The following SYNE1 variants were observed in gnomAD, a reference collection of about 807,000 sequenced individuals.
SYNE1 encodes the protein nesprin-1.
A neutral mutation model predicts 1,111.0 loss-of-function variants in SYNE1; 616 were observed. That is an observed-to-expected ratio of 0.55 (90% CI 0.52 to 0.59). The LOEUF is 0.59. Among genes scored for constraint, SYNE1 ranks in the 20% least tolerant of loss-of-function variants. The pLI, the probability that SYNE1 is intolerant of heterozygous loss-of-function variation, is 0.00. For missense variants in SYNE1, 10,006 were observed against 10,417.0 expected, an observed-to-expected ratio of 0.96 and a Z score of 1.72; for synonymous variants, 3,855 against 3,825.8, an observed-to-expected ratio of 1.01 and a Z score of -0.28.
At chr6:152,464,766 T>C (rs1172051022) in intron 18 of SYNE1, 1 of 215,216 alleles carries the variant, frequency 4.6e-6, no homozygotes, top group Admixed American at 5.3e-5. Context: ...ACATACACAC[T>C]TATAACTGGC....
chr6:152,579,464 A>C, intron 3 of SYNE1, among the ~76,000 whole-genome samples: 1 of 152,256 alleles, frequency 6.6e-6, no homozygotes, highest in East Asian at 1.9e-4. Context: ...AGCTTTCAGA[A>C]GATTCCAGCC....
intron 137 of SYNE1, chr6:152,146,024 C>CAAAAAAAAAAAAAAAAAAA (rs57218606): frequency 2.0e-5 from 1 of 49,664 alleles, no homozygotes; most frequent in Non-Finnish European, 3.5e-5. Context: ...GACTTCGTCT[C>CAAAAAAAAAAAAAAAAAAA]AAAAAAAAAA....
Position 152,354,786 on chromosome 6 carries a change from A to G in SYNE1, c.10799T>C (p.Leu3600Ser), listed in dbSNP as rs1444678849. 2 of 1,614,008 alleles carry G rather than the reference A, an allele frequency of 1.2e-6. No individual in the cohort carries two copies. Among genetic ancestry groups the G allele is most frequent in the Non-Finnish European group, 1.7e-6 (2 of 1,180,038 alleles). ...CTGAAACTTTTGCTCCATTAGCCTC[A>G]ATTTGTTCACCACGTTATTGAACTG... is the stretch of plus-strand genomic sequence containing the variant. ...RTQFNNVVNK[L>S]RLMEQKFQQV... is the part of the protein sequence containing the mutation. The change falls in exon 67 of 146, where the codon TTG becomes TCG. Residue 3600 changes from leucine to serine, a missense_variant. By Grantham distance (145) the Leu-to-Ser change is moderately radical. Transcript: ENST00000367255.
At chr6:152,556,762 C>T (rs145425528) in intron 3 of SYNE1, among the ~76,000 whole-genome samples, 79 of 152,278 alleles carry the variant, frequency 5.2e-4, no homozygotes, top group African/African-American at 1.9e-3. Flanking sequence ...TCCATGAACC[C>T]TTCCAGCTGA....
chr6:152,151,580 A>G lies in SYNE1; in HGVS notation c.24423T>C (p.Asp8141=), dbSNP rs1257978665. 2.5e-6 allele frequency: 4 copies of G among 1,614,058 alleles called. No individual in the cohort carries two copies. The highest frequency in any genetic ancestry group is 3.4e-6 in the Non-Finnish European group (4 of 1,180,040). ...LTNIEHFSEC[D]VQAKIKQLKA... is the part of the protein sequence containing the mutation. ...TGAGTTGCTTTATTTTAGCTTGAACATCACACTCAGAAAAATGTTCAATAT... is the reference window on the plus strand; with the variant it reads ...TGAGTTGCTTTATTTTAGCTTGAACGTCACACTCAGAAAAATGTTCAATAT... Residue 8141 remains aspartate (D), a synonymous_variant, in exon 135 of 146, where the codon GAT becomes GAC. Coordinates refer to ENST00000367255, the MANE Select transcript of SYNE1 (RefSeq NM_182961.4).
chr6:152,483,759 A>G (rs1413610943), intron 13 of SYNE1, among the ~76,000 whole-genome samples: 7 of 152,106 alleles, frequency 4.6e-5, no homozygotes, highest in Admixed American at 6.6e-5. Context: ...CTATAATCCT[A>G]TGATTGTCTA....
chr6:152,462,440 T>G, intron 20 of SYNE1: 1 of 501,272 alleles, frequency 2.0e-6, no homozygotes, highest in Non-Finnish European at 3.5e-6. Context: ...ATTGAAAGTA[T>G]TTAGGTGCGG....
At chr6:152,478,562 G>A (rs2098849131) in intron 14 of SYNE1, 1 of 152,352 alleles carries the variant, frequency 6.6e-6, no homozygotes, top group South Asian at 2.1e-4. Context: ...GGGCACAGAT[G>A]CAATTGCGTA....
intron 98 of SYNE1, among the ~76,000 whole-genome samples, chr6:152,275,575 GTATTT>G (rs368576701): frequency 2.5e-4 from 38 of 152,036 alleles, no homozygotes; most frequent in African/African-American, 8.7e-4. Context: ...TTGTAATATT[GTATTT>G]TAATATGTGA....
rs1415154148 is a variant in SYNE1, at chr6:152,483,068, C to T, written c.1350+17G>A. 6.2e-7 allele frequency: 1 copy of T among 1,614,150 alleles called. No homozygotes were observed. ...TAGGGCTGTTATGCTGCAAGGTTTT[C>T]CAACCAGAATTTTTACCTTATGTTG... On this transcript the variant is annotated intron_variant, in intron 14 of 145. Coordinates refer to ENST00000367255, the MANE Select transcript of SYNE1 (RefSeq NM_182961.4).
intron 122 of SYNE1, among the ~76,000 whole-genome samples, chr6:152,214,323 G>C (rs2078148256): frequency 6.6e-6 from 1 of 151,936 alleles, no homozygotes; most frequent in African/African-American, 2.4e-5. Flanking sequence ...TCTGATTAAA[G>C]TGCTATTTAG....
intron 62 of SYNE1, 143 bp from the exon 63 acceptor site, chr6:152,365,162 G>A: frequency 9.7e-7 from 1 of 1,030,574 alleles, no homozygotes; most frequent in Non-Finnish European, 1.4e-6. Context: ...ACAGAGGGTG[G>A]GGAAGTGGCT....
chr6:152,145,555 T>A (rs933733286), intron 137 of SYNE1: 4 of 1,613,938 alleles, frequency 2.5e-6, no homozygotes, highest in South Asian at 1.1e-5. Flanking sequence ...GATCATTACA[T>A]CTGCAAAAAA....
At chr6:152,227,065 T>G (rs1276538774) in intron 115 of SYNE1, among the ~76,000 whole-genome samples, 2 of 152,190 alleles carry the variant, frequency 1.3e-5, no homozygotes, top group Non-Finnish European at 1.5e-5. Context: ...TGAAATTGGA[T>G]AGTGCTGCTG....
At chr6:152,347,915 C>T (rs1198742352) in intron 72 of SYNE1, among the ~76,000 whole-genome samples, 1 of 151,000 alleles carries the variant, frequency 6.6e-6, no homozygotes, top group Non-Finnish European at 1.5e-5. Context: ...GTCTTGAACT[C>T]CTGACCTCAA....
intron 127 of SYNE1, among the ~76,000 whole-genome samples, chr6:152,194,289 A>G (rs2073493972): frequency 1.3e-5 from 2 of 152,186 alleles, no homozygotes; most frequent in South Asian, 2.1e-4. Flanking sequence ...ATTCTAGGGT[A>G]ACAGGTTTTT....
intron 68 of SYNE1, 40 bp downstream of exon 68, chr6:152,353,549 A>G (rs1442828576): frequency 6.2e-7 from 1 of 1,613,970 alleles, no homozygotes; most frequent in South Asian, 1.1e-5. Context: ...TGGCTGGCGA[A>G]GTTTGCTGGT....
chr6:152,296,300 T>C (rs2094878005), intron 93 of SYNE1, among the ~76,000 whole-genome samples: 1 of 152,232 alleles, frequency 6.6e-6, no homozygotes, highest in Admixed American at 6.5e-5. Flanking sequence ...CTTTTATAGT[T>C]TGTTTTCCAC....
intron 3 of SYNE1, among the ~76,000 whole-genome samples, chr6:152,569,239 T>C (rs562424152): frequency 2.2e-4 from 33 of 152,288 alleles, no homozygotes; most frequent in African/African-American, 7.2e-4. Flanking sequence ...TTGGGATCAC[T>C]GTATGGATCA....
Sources: allele counts gnomAD v4.1 joint callset (sites outside exome capture counted in the v4.1 genomes callset), GRCh38; gene constraint gnomAD v4.1.1; transcripts MANE v1.5; gene names NCBI Gene and HGNC (gene_info 2026-07-23, HGNC 2026-07-21).